MARCHF1: variants seen among roughly 807,000 people sequenced by gnomAD.
The protein encoded by MARCHF1 is E3 ubiquitin-protein ligase MARCHF1.
MARCHF1 carries 40 observed loss-of-function variants against 54.2 expected under a neutral mutation model. That is an observed-to-expected ratio of 0.74 (90% CI 0.57 to 0.96). The LOEUF is 0.96. Ranked by LOEUF, MARCHF1 falls within the 40% of genes least tolerant of loss-of-function variation. The pLI is 0.00. For missense variants in MARCHF1, 586 were observed against 656.5 expected (o/e 0.89, Z 1.17); for synonymous variants, 236 against 236.3 (o/e 1.00, Z 0.01).
chr4:164,009,173 G>C (rs2110937617), intron 2 of MARCHF1, among the ~76,000 whole-genome samples: 1 of 152,088 alleles, frequency 6.6e-6, no homozygotes, highest in Non-Finnish European at 1.5e-5. Flanking sequence ...ATACTATTAT[G>C]AGCAACTACA....
intron 2 of MARCHF1, among the ~76,000 whole-genome samples, chr4:164,108,143 G>A (rs1035699358): frequency 6.6e-6 from 1 of 151,946 alleles, no homozygotes; most frequent in Non-Finnish European, 1.5e-5. Flanking sequence ...AGTATAGGCT[G>A]CCTAACATGG....
intron 1 of MARCHF1, among the ~76,000 whole-genome samples, chr4:164,286,486 AATAAT>A (rs1212036847): frequency 2.0e-4 from 30 of 152,176 alleles, no homozygotes; most frequent in African/African-American, 7.2e-4. Flanking sequence ...ATTTTCACAA[AATAAT>A]ATGTTTCTTC....
intron 4 of MARCHF1, among the ~76,000 whole-genome samples, chr4:163,834,976 G>A (rs1379513779): frequency 1.3e-5 from 2 of 151,948 alleles, no homozygotes; most frequent in Non-Finnish European, 2.9e-5. Flanking sequence ...TGAATTCCTG[G>A]GTTCAAGCTA....
chr4:163,553,844 AC>A (rs569635937), intron 8 of MARCHF1, among the ~76,000 whole-genome samples: 267 of 152,336 alleles, frequency 1.8e-3, no homozygotes, highest in African/African-American at 6.2e-3. Context: ...AAGCAGTCTG[AC>A]TAGAAAGGTC....
intron 9 of MARCHF1, among the ~76,000 whole-genome samples, chr4:163,544,189 A>G (rs989067361): frequency 3.3e-5 from 5 of 152,212 alleles, no homozygotes; most frequent in Admixed American, 2.6e-4. Context: ...AAAGAAAAAG[A>G]AAGTTCTACC....
At chr4:163,684,045 T>A (rs1017705756) in intron 5 of MARCHF1, among the ~76,000 whole-genome samples, 1 of 152,226 alleles carries the variant, frequency 6.6e-6, no homozygotes, top group Non-Finnish European at 1.5e-5. Flanking sequence ...GCAGCCAGCA[T>A]AGCCTTTATG....
intron 1 of MARCHF1, among the ~76,000 whole-genome samples, chr4:164,198,009 A>T (rs2111074747): frequency 6.6e-6 from 1 of 152,276 alleles, no homozygotes; most frequent in South Asian, 2.1e-4. Context: ...CCTCTACACT[A>T]CTTACTGTGA....
At chr4:164,350,374 G>C (rs1480769289) in intron 1 of MARCHF1, among the ~76,000 whole-genome samples, 2 of 152,252 alleles carry the variant, frequency 1.3e-5, no homozygotes, top group East Asian at 3.9e-4. Context: ...GGAGGATAGG[G>C]AGAGGTTTGT....
At chr4:163,536,763 G>C (rs1738551144) in intron 9 of MARCHF1, among the ~76,000 whole-genome samples, 1 of 152,068 alleles carries the variant, frequency 6.6e-6, no homozygotes, top group Admixed American at 6.6e-5. Flanking sequence ...GAGCCAGGGG[G>C]AAACAGTTGC....
Position 163,854,124 on chromosome 4 carries a change from CCCAGCATT to C in MARCHF1, c.-1_7del. ...GTTACGGGCTATCGCTTCACACCAG[CCCAGCATT>C]TTCTCCTTCCTCTTATCCCTTTTCA... On this transcript the variant is annotated start_lost and 5_prime_UTR_variant, in exon 4 of 10. Coordinates refer to ENST00000514618, the MANE Select transcript of MARCHF1 (RefSeq NM_001394959.1). 6.5e-7 allele frequency: 1 copy of C among 1,534,530 alleles called. No individual in the cohort carries two copies. The highest frequency in any genetic ancestry group is 8.7e-7 in the Non-Finnish European group (1 of 1,145,316).
At chr4:164,031,624 G>A (rs1158557888) in intron 2 of MARCHF1, among the ~76,000 whole-genome samples, 4 of 152,064 alleles carry the variant, frequency 2.6e-5, no homozygotes, top group East Asian at 1.9e-4. Flanking sequence ...TGTATGTGAC[G>A]GATTATGTCT....
chr4:164,099,259 C>T (rs533360067), intron 2 of MARCHF1, among the ~76,000 whole-genome samples: 12 of 152,280 alleles, frequency 7.9e-5, no homozygotes, highest in South Asian at 6.2e-4. Flanking sequence ...TATGTACAAT[C>T]GTGCTACCAT....
intron 3 of MARCHF1, among the ~76,000 whole-genome samples, chr4:163,854,518 G>T (rs1244136577): frequency 6.6e-6 from 1 of 152,070 alleles, no homozygotes; most frequent in Admixed American, 6.6e-5. Flanking sequence ...AATAGACCTG[G>T]TTCCTGATAA....
intron 1 of MARCHF1, among the ~76,000 whole-genome samples, chr4:164,241,473 G>A (rs1408059338): frequency 6.6e-6 from 1 of 152,092 alleles, no homozygotes; most frequent in African/African-American, 2.4e-5. Flanking sequence ...ACAATAGTTT[G>A]CCTTCCCTTC....
At chr4:163,634,547 C>A (rs1213056716) in intron 5 of MARCHF1, among the ~76,000 whole-genome samples, 1 of 151,746 alleles carries the variant, frequency 6.6e-6, no homozygotes, top group Non-Finnish European at 1.5e-5. Context: ...GAAGAGCTAA[C>A]TATCCTAAAT....
chr4:163,527,309 T>TCTAA lies in MARCHF1; in HGVS notation c.*1435_*1438dup, dbSNP rs1198222998. The TCTAA allele has an allele frequency of 1.6e-4, 25 of 152,200 alleles. No individual in the cohort carries two copies. Among genetic ancestry groups the TCTAA allele is most frequent in the South Asian group, 1.0e-3 (5 of 4,828 alleles). The allele number at this position is 152,200 out of a possible 1,614,324, so 9.4% of individuals were successfully genotyped here. The stretch of plus-strand genomic sequence containing the variant: ...CAGAATCTGTTGAATATTTTTGTTT[T>TCTAA]CTAACTGAGCAAGGGAAATCCTGTC... On this transcript the variant is annotated 3_prime_UTR_variant, in exon 10 of 10. Coordinates refer to ENST00000514618, the MANE Select transcript of MARCHF1 (RefSeq NM_001394959.1).
chr4:163,933,218 G>A (rs7698990), intron 3 of MARCHF1: 28,856 of 732,004 alleles, frequency 0.039, 2,039 homozygotes, highest in African/African-American at 0.22. Flanking sequence ...GACAGTGCAG[G>A]AGAAGAATGT....
intron 1 of MARCHF1, among the ~76,000 whole-genome samples, chr4:164,336,100 A>T (rs760639950): frequency 5.9e-5 from 9 of 152,226 alleles, no homozygotes; most frequent in African/African-American, 9.7e-5. Flanking sequence ...GCTGAAGCAG[A>T]AGGTTCACAG....
At chr4:163,777,922 A>G (rs753371615) in intron 4 of MARCHF1, among the ~76,000 whole-genome samples, 6 of 152,148 alleles carry the variant, frequency 3.9e-5, no homozygotes, top group Non-Finnish European at 5.9e-5. Flanking sequence ...TTTGCAGTCA[A>G]TCCCCTGCCT....
Sources: allele counts gnomAD v4.1 joint callset (sites outside exome capture counted in the v4.1 genomes callset), GRCh38; gene constraint gnomAD v4.1.1; transcripts MANE v1.5; gene names NCBI Gene and HGNC (gene_info 2026-07-23, HGNC 2026-07-21).